TEKT5: variants seen among roughly 807,000 people sequenced by gnomAD.
The protein encoded by TEKT5 is tektin 5.
In TEKT5, 52 loss-of-function variants were observed where a neutral mutation model predicts 48.7. The observed-to-expected ratio is 1.07, with a 90% CI of 0.86 to 1.35. The LOEUF (loss-of-function observed/expected upper bound fraction) is 1.35. Ranked by LOEUF, TEKT5 falls within the 40% of genes most tolerant of loss-of-function variation. The probability of loss-of-function intolerance (pLI) is 0.00; values close to 1 mark genes in which losing one functional copy is unlikely to be tolerated. For synonymous variants in TEKT5, 318 were observed against 267.6 expected (o/e 1.19, Z -1.84); for missense variants, 831 against 641.6 (o/e 1.30, Z -3.19).
chr16:10,681,954 G>C, intron 4 of TEKT5, 39 bp downstream of exon 4: 1 of 1,604,002 alleles, frequency 6.2e-7, no homozygotes, highest in Non-Finnish European at 8.5e-7. Flanking sequence ...CACTCCAGTT[G>C]GACACGCCAG....
chr16:10,682,922 T>C (rs1005419299), intron 3 of TEKT5, among the ~76,000 whole-genome samples: 1 of 152,206 alleles, frequency 6.6e-6, no homozygotes, highest in East Asian at 1.9e-4. Context: ...AAATCAATCA[T>C]TGTGTCTGAC....
chr16:10,673,688 T>C (rs912016484), intron 5 of TEKT5, among the ~76,000 whole-genome samples: 2 of 146,448 alleles, frequency 1.4e-5, no homozygotes, highest in African/African-American at 5.1e-5. Context: ...TCTCACTCTG[T>C]CTCCCACGCT....
At chr16:10,679,454 TAA>T (rs60522817) in intron 4 of TEKT5, among the ~76,000 whole-genome samples, 19 of 120,174 alleles carry the variant, frequency 1.6e-4, no homozygotes, top group Admixed American at 3.4e-4. Flanking sequence ...AGACTCTGTC[TAA>T]AAAAAAAAAA....
chr16:10,651,441 G>C (rs995082736), intron 5 of TEKT5, among the ~76,000 whole-genome samples: 1 of 152,162 alleles, frequency 6.6e-6, no homozygotes, highest in African/African-American at 2.4e-5. Context: ...AGGGGTTTTG[G>C]TCTGTTTTGC....
chr16:10,690,073 G>A, intron 1 of TEKT5, 48 bp from the exon 2 acceptor site: 1 of 1,595,094 alleles, frequency 6.3e-7, no homozygotes, highest in Non-Finnish European at 8.6e-7. Flanking sequence ...GCTGTATGTA[G>A]ACCCTGAGCA....
rs566191154 is a variant in TEKT5, at chr16:10,659,466, G to A, written c.1086+16493C>T. ...GCAATCTCGGCTCACTGCAAGCTCT[G>A]CCTCCCGAGTTCACACCATTCTCCT... On this transcript the variant is annotated intron_variant, in intron 5 of 6. Transcript: ENST00000283025. 3.9e-5 allele frequency among the ~76,000 whole-genome samples: 6 copies of A among 152,188 alleles called. No individual in the cohort carries two copies. In the East Asian group the frequency reaches 9.7e-4, roughly 25 times the overall value.
intron 5 of TEKT5, among the ~76,000 whole-genome samples, chr16:10,660,248 G>C (rs1297138052): frequency 6.6e-6 from 1 of 152,136 alleles, no homozygotes; most frequent in Non-Finnish European, 1.5e-5. Context: ...TAATAGAAAA[G>C]GGCTCTCCTC....
chr16:10,678,627 C>G (rs946437943), intron 4 of TEKT5, among the ~76,000 whole-genome samples: 1 of 152,178 alleles, frequency 6.6e-6, no homozygotes, highest in Non-Finnish European at 1.5e-5. Flanking sequence ...GGCCGCACAA[C>G]AACGTCCCAT....
intron 5 of TEKT5, among the ~76,000 whole-genome samples, chr16:10,662,781 G>A (rs1596410322): frequency 6.6e-6 from 1 of 152,268 alleles, no homozygotes; most frequent in Non-Finnish European, 1.5e-5. Flanking sequence ...GGTTAGTGGT[G>A]GGGACTTTAG....
At chr16:10,662,520 G>A (rs747703185) in intron 5 of TEKT5, among the ~76,000 whole-genome samples, 10 of 152,196 alleles carry the variant, frequency 6.6e-5, no homozygotes, top group East Asian at 1.9e-4. Context: ...TGTTCTGCAC[G>A]TAGCCCCGGC....
intron 5 of TEKT5, among the ~76,000 whole-genome samples, chr16:10,664,287 A>T (rs913546601): frequency 1.3e-5 from 2 of 152,118 alleles, no homozygotes; most frequent in Non-Finnish European, 2.9e-5. Flanking sequence ...AGGAAGAGGG[A>T]GGGAGGGAAC....
chr16:10,638,165 A>G (rs1897942093), intron 5 of TEKT5, among the ~76,000 whole-genome samples: 1 of 152,108 alleles, frequency 6.6e-6, no homozygotes, highest in African/African-American at 2.4e-5. Flanking sequence ...TTTCCACAAC[A>G]AAAAATAAAA....
At chr16:10,659,411 G>A (rs897861044) in intron 5 of TEKT5, among the ~76,000 whole-genome samples, 1 of 151,948 alleles carries the variant, frequency 6.6e-6, no homozygotes, top group African/African-American at 2.4e-5. Flanking sequence ...ATGGAGCCTC[G>A]CTTTGTCACA....
chr16:10,652,233 G>A (rs1898170522), intron 5 of TEKT5, among the ~76,000 whole-genome samples: 1 of 152,062 alleles, frequency 6.6e-6, no homozygotes, highest in Admixed American at 6.6e-5. Context: ...ACACAGAGCT[G>A]GCAGACGCAG....
Position 10,675,945 on chromosome 16 carries a change from G to A in TEKT5, c.1086+14C>T. ...TTGGCAGAGAAGGCAGGGGTCCTGG[G>A]AGGATCTGCTCACCTTCGCCAGCTG... On this transcript the variant is annotated intron_variant, in intron 5 of 6. Transcript: ENST00000283025. The A allele has an allele frequency of 6.2e-7, 1 of 1,613,338 alleles. No individual in the cohort carries two copies. The highest frequency in any genetic ancestry group is 8.5e-7 in the Non-Finnish European group (1 of 1,179,478).
chr16:10,627,529 T>G lies in TEKT5; in HGVS notation c.*54A>C, dbSNP rs1458886373. ...CAAACAAAATACTGTTTTACTTTGT[T>G]TCTCAGCCTTTTCCAATTTTACGCC... On this transcript the variant is annotated 3_prime_UTR_variant, in exon 7 of 7. Coordinates refer to ENST00000283025, the MANE Select transcript of TEKT5 (RefSeq NM_144674.2). 8.2e-6 allele frequency: 13 copies of G among 1,583,386 alleles called. No individual in the cohort carries two copies. The East Asian group carries it at 2.9e-4, about 36-fold the overall frequency.
chr16:10,689,710 G>T (rs1898931923), intron 2 of TEKT5, among the ~76,000 whole-genome samples: 1 of 152,002 alleles, frequency 6.6e-6, no homozygotes. Flanking sequence ...TATTGTTATT[G>T]GTATATTATT....
At chr16:10,666,435 G>T (rs1041576902) in intron 5 of TEKT5, among the ~76,000 whole-genome samples, 1 of 152,114 alleles carries the variant, frequency 6.6e-6, no homozygotes, top group Non-Finnish European at 1.5e-5. Flanking sequence ...GCTGCCCTGC[G>T]CCGTGTGGGA....
rs376360589 is a variant in TEKT5 at position 10,689,923 on chromosome 16, G to C, written c.648+19C>G. ...CCCGCCTCCTTCAGGGGGCTGGGCA[G>C]AACCAGGAGATGCCTTACCCGGATA... On this transcript the variant is annotated intron_variant, in intron 2 of 6. Transcript: ENST00000283025. 27 of 1,613,504 alleles carry C rather than the reference G, an allele frequency of 1.7e-5. No individual in the cohort carries two copies. In the African/African-American group the frequency reaches 1.9e-4, roughly 11 times the overall value.
Sources: gnomAD v4.1 joint callset for allele counts (sites outside exome capture counted in the v4.1 genomes callset) on GRCh38, gnomAD v4.1.1 for gene constraint, MANE v1.5 for transcripts, NCBI Gene and HGNC (gene_info 2026-07-23, HGNC 2026-07-21) for gene names.